The following DYSF variants were observed in gnomAD, a reference collection of about 807,000 sequenced individuals.
DYSF encodes dystrophy-associated fer-1-like 1.
In DYSF, 212 loss-of-function variants were observed where a neutral mutation model predicts 274.9. The ratio of observed to expected loss-of-function variants is 0.77; its 90% CI spans 0.69 to 0.86. DYSF has a LOEUF of 0.86. Among genes scored for constraint, DYSF ranks in the 40% least tolerant of loss-of-function variants. DYSF has a pLI of 0.00. For missense variants in DYSF, 2,666 were observed against 2,783.2 expected, an observed-to-expected ratio of 0.96 and a Z score of 0.95; for synonymous variants, 1,091 against 1,078.7, an observed-to-expected ratio of 1.01 and a Z score of -0.22.
intron 41 of DYSF, among the ~76,000 whole-genome samples, chr2:71,642,633 A>G (rs890426828): frequency 6.6e-5 from 10 of 152,258 alleles, no homozygotes; most frequent in Non-Finnish European, 1.2e-4. Context: ...CTGGCTGCAG[A>G]TTCAGCCTCA....
chr2:71,509,528 A>C (rs1339923520), intron 4 of DYSF, among the ~76,000 whole-genome samples: 1 of 151,880 alleles, frequency 6.6e-6, no homozygotes, highest in Non-Finnish European at 1.5e-5. Flanking sequence ...ATGATTGCTA[A>C]ATAGTGATAT....
chr2:71,571,620 ACAG>A (rs1421118967), intron 29 of DYSF, among the ~76,000 whole-genome samples: 1 of 140,478 alleles, frequency 7.1e-6, no homozygotes, highest in Non-Finnish European at 1.5e-5. Flanking sequence ...CAGCACACAC[ACAG>A]ATCACACCCA....
intron 52 of DYSF, among the ~76,000 whole-genome samples, chr2:71,676,925 G>GTCTA (rs1239179914): frequency 3.3e-5 from 3 of 90,796 alleles, no homozygotes; most frequent in African/African-American, 1.2e-4. Context: ...GATAATGTGT[G>GTCTA]TGTATGTGTG....
chr2:71,522,213 A>G (rs1304601611), intron 12 of DYSF, among the ~76,000 whole-genome samples: 1 of 146,398 alleles, frequency 6.8e-6, no homozygotes, highest in Non-Finnish European at 1.5e-5. Flanking sequence ...CTCCACTACT[A>G]TTTTCTCTCT....
chr2:71,599,867 G>GGTTCCTCTGGTTCAGCACT, intron 33 of DYSF, among the ~76,000 whole-genome samples: 1 of 152,354 alleles, frequency 6.6e-6, no homozygotes, highest in South Asian at 2.1e-4. Context: ...AGCTGGCCAT[G>GGTTCCTCTGGTTCAGCACT]GGTAAGCTGG....
intron 45 of DYSF, among the ~76,000 whole-genome samples, chr2:71,663,042 C>CATATTTGTGTGTGTATGTCT (rs2094928154): frequency 6.1e-5 from 2 of 32,952 alleles, no homozygotes; most frequent in African/African-American, 6.7e-5. Context: ...TGTGTGTGTG[C>CATATTTGTGTGTGTATGTCT]GCGCACGCGC....
At position 71,480,878 on chromosome 2, in the gene DYSF, T is replaced by C; in HGVS notation, c.92-5T>C. 1.2e-6 allele frequency: 2 copies of C among 1,613,458 alleles called. No individual in the cohort carries two copies. Among genetic ancestry groups the C allele is most frequent in the Non-Finnish European group, 1.7e-6 (2 of 1,179,388 alleles). ...TCTCCATTCTCCCTTTTGTGTCTCT[T>C]GTAGGGGTGAAGAAGAGAACCAAAG... On this transcript the variant is annotated splice_polypyrimidine_tract_variant and splice_region_variant and intron_variant, in intron 1 of 55. Transcript: ENST00000410020.
At chr2:71,595,552 G>T (rs755823855) in intron 32 of DYSF, among the ~76,000 whole-genome samples, 10 of 152,208 alleles carry the variant, frequency 6.6e-5, no homozygotes, top group Non-Finnish European at 8.8e-5. Context: ...AACGCAGAAG[G>T]TCCTCCCCGG....
chr2:71,468,610 G>A (rs754549871), intron 1 of DYSF, among the ~76,000 whole-genome samples: 6 of 152,030 alleles, frequency 3.9e-5, no homozygotes, highest in African/African-American at 1.2e-4. Context: ...TGATCTCCTC[G>A]GAAAACAGAA....
At chr2:71,472,445 C>T (rs762404978) in intron 1 of DYSF, among the ~76,000 whole-genome samples, 11 of 152,166 alleles carry the variant, frequency 7.2e-5, no homozygotes, top group South Asian at 4.1e-4. Flanking sequence ...CTCATTCTGT[C>T]GCCCAGGCTG....
At chr2:71,454,068 T>C in exon 1 of DYSF, 1 of 1,614,052 alleles carries the variant, frequency 6.2e-7, no homozygotes, top group Non-Finnish European at 8.5e-7. Flanking sequence ...CGATGCCTAC[T>C]GCTCCGCGGT....
chr2:71,470,728 C>CTTT lies in DYSF; in HGVS notation c.91+3795_91+3796insTTT, dbSNP rs374014132. Among the ~76,000 whole-genome samples the CTTT allele has an allele frequency of 3.7e-4, 48 of 131,432 alleles. 1 individual carries two copies. The highest frequency in any genetic ancestry group is 6.1e-4 in the Non-Finnish European group (39 of 63,596). The allele number at this position is 131,432 out of a possible 152,430, so 86.2% of individuals were successfully genotyped here. On this transcript the variant is annotated intron_variant, in intron 1 of 55. Transcript: ENST00000410020. ...TTTCTCTTCTCTTCCTTCTTTCCTT[C>CTTT]CTTCCTTCTTTCCTTCCTTCCTTCC...
intron 51 of DYSF, among the ~76,000 whole-genome samples, chr2:71,671,346 T>G (rs2095117746): frequency 1.3e-5 from 2 of 152,186 alleles, no homozygotes; most frequent in South Asian, 2.1e-4. Context: ...TGAGCCTGTT[T>G]CCATCAGAAA....
intron 27 of DYSF, 75 bp downstream of exon 27, chr2:71,570,009 G>T: frequency 7.3e-7 from 1 of 1,371,380 alleles, no homozygotes; most frequent in Non-Finnish European, 1.0e-6. Flanking sequence ...AGGGACAGGT[G>T]GGGCATGTTT....
intron 41 of DYSF, among the ~76,000 whole-genome samples, chr2:71,641,528 A>C (rs1034271413): frequency 1.3e-5 from 2 of 152,020 alleles, no homozygotes; most frequent in Non-Finnish European, 2.9e-5. Context: ...TCTCCTTTCT[A>C]ATATATTCAT....
chr2:71,608,049 G>C (rs2093677043), intron 36 of DYSF, among the ~76,000 whole-genome samples: 1 of 152,042 alleles, frequency 6.6e-6, no homozygotes, highest in Non-Finnish European at 1.5e-5. Context: ...AAGGAGATGA[G>C]GTTAGCTGGC....
chr2:71,540,616 T>A (rs1416247221), intron 17 of DYSF, among the ~76,000 whole-genome samples: 2 of 151,634 alleles, frequency 1.3e-5, no homozygotes, highest in East Asian at 3.8e-4. Context: ...ATTTTATTGA[T>A]AGCTGGTGAA....
chr2:71,665,412 A>G (rs1338383311), intron 47 of DYSF, 108 bp downstream of exon 47: 9 of 1,438,214 alleles, frequency 6.3e-6, no homozygotes, highest in Non-Finnish European at 7.7e-6. Context: ...AACCCACAGC[A>G]GCAGGCTGTG....
rs545117848 is a variant in DYSF, at chr2:71,595,783, C to G, written c.3575-2781C>G. Among the ~76,000 whole-genome samples, 16 of 152,320 alleles carry G rather than the reference C, an allele frequency of 1.1e-4. No homozygotes were observed. The South Asian group carries it at 1.9e-3, about 18-fold the overall frequency. On this transcript the variant is annotated intron_variant, in intron 32 of 55. Coordinates refer to ENST00000410020, the MANE Select transcript of DYSF (RefSeq NM_001130987.2). ...CAAAGTGCTTGCCTCAGCTAGGGCA[C>G]GATGTGCGCTGCATATGGCTTGTGG...
Sources: gnomAD v4.1 joint callset for allele counts (sites outside exome capture counted in the v4.1 genomes callset) on GRCh38, gnomAD v4.1.1 for gene constraint, MANE v1.5 for transcripts, NCBI Gene and HGNC (gene_info 2026-07-23, HGNC 2026-07-21) for gene names.